CADPS: variants seen among roughly 807,000 people sequenced by gnomAD.
The protein encoded by CADPS is calcium-dependent secretion activator 1.
Under a neutral mutation model 167.3 loss-of-function variants are expected in CADPS, and 57 were observed. The ratio of observed to expected loss-of-function variants is 0.34; its 90% CI spans 0.28 to 0.42. The LOEUF is 0.42. CADPS is among the 20% of genes least tolerant of loss of function. The pLI is 1.00. For synonymous variants in CADPS, 676 were observed against 635.3 expected (o/e 1.06, Z -0.96); for missense variants, 1,414 against 1,738.1 (o/e 0.81, Z 3.32).
chr3:62,505,465 C>A (rs944767977), intron 17 of CADPS, among the ~76,000 whole-genome samples: 4 of 152,148 alleles, frequency 2.6e-5, no homozygotes, highest in Non-Finnish European at 4.4e-5. Context: ...CGTGCTTATC[C>A]ACACTCTTGC....
intron 22 of CADPS, among the ~76,000 whole-genome samples, chr3:62,480,536 C>T (rs1188303418): frequency 6.6e-6 from 1 of 152,148 alleles, no homozygotes; most frequent in Non-Finnish European, 1.5e-5. Flanking sequence ...TATCAGGCAG[C>T]TTTGGAGGAG....
intron 14 of CADPS, among the ~76,000 whole-genome samples, chr3:62,517,377 G>A (rs2069261770): frequency 6.6e-6 from 1 of 152,062 alleles, no homozygotes; most frequent in South Asian, 2.1e-4. Context: ...ATTGCCTTGG[G>A]CAAGTTCCTT....
intron 18 of CADPS, among the ~76,000 whole-genome samples, chr3:62,495,106 A>G (rs897682660): frequency 6.6e-6 from 1 of 152,220 alleles, no homozygotes. Context: ...ATAATCATTT[A>G]GATATTAATA....
At chr3:62,516,859 T>A (rs992084466) in intron 14 of CADPS, among the ~76,000 whole-genome samples, 2 of 152,276 alleles carry the variant, frequency 1.3e-5, no homozygotes, top group African/African-American at 4.8e-5. Flanking sequence ...ACTCTGCAAA[T>A]GTCTGCAGCA....
intron 22 of CADPS, among the ~76,000 whole-genome samples, chr3:62,481,161 A>G (rs2061962923): frequency 6.6e-6 from 1 of 152,240 alleles, no homozygotes; most frequent in South Asian, 2.1e-4. Flanking sequence ...ATATTTTTTT[A>G]CATAACATTT....
chr3:62,819,032 G>A (rs1483377036), intron 1 of CADPS, among the ~76,000 whole-genome samples: 5 of 152,122 alleles, frequency 3.3e-5, no homozygotes, highest in Non-Finnish European at 7.4e-5. Flanking sequence ...GGTGGAGGTG[G>A]GTGGGCAGGG....
intron 13 of CADPS, among the ~76,000 whole-genome samples, chr3:62,521,743 T>C (rs1016092745): frequency 6.6e-6 from 1 of 152,218 alleles, no homozygotes; most frequent in African/African-American, 2.4e-5. Context: ...TTAGCATCCA[T>C]TGCCAATTTC....
At chr3:62,738,996 C>T (rs486854) in intron 3 of CADPS, among the ~76,000 whole-genome samples, 60,680 of 151,964 alleles carry the variant, frequency 0.4, 12,566 homozygotes, top group African/African-American at 0.48. Context: ...GTGGCCATAA[C>T]CTTCCACTCT....
intron 3 of CADPS, among the ~76,000 whole-genome samples, chr3:62,689,213 C>A (rs2078638819): frequency 6.6e-6 from 1 of 151,834 alleles, no homozygotes; most frequent in East Asian, 1.9e-4. Flanking sequence ...TTAATTTTTC[C>A]ATGCTGTACC....
At position 62,465,639 on chromosome 3, in the gene CADPS, C is replaced by A. The variant is rs2150380416; in HGVS notation, c.3553-189G>T. Reference sequence around the variant, plus strand: ...ACATAGAAATATTTGACTTATCCGGCTTTCTCTTCATTATTATGTGATTGC... The same window carrying A: ...ACATAGAAATATTTGACTTATCCGGATTTCTCTTCATTATTATGTGATTGC... On this transcript the variant is annotated intron_variant, in intron 25 of 29. Transcript: ENST00000383710. The surrounding 1 kb of genome is among the most constrained non-coding windows in gnomAD (Gnocchi z 4.1). Among the ~76,000 whole-genome samples, 1 of 152,282 alleles carries A rather than the reference C, an allele frequency of 6.6e-6. No homozygotes were observed. The highest frequency in any genetic ancestry group is 2.1e-4 in the South Asian group (1 of 4,826).
At chr3:62,796,988 AG>A (rs1204140346) in intron 1 of CADPS, among the ~76,000 whole-genome samples, 1 of 152,126 alleles carries the variant, frequency 6.6e-6, no homozygotes, top group African/African-American at 2.4e-5. Flanking sequence ...TAAAACTGTA[AG>A]CATGCTTATA....
At chr3:62,684,839 C>A (rs887172459) in intron 3 of CADPS, among the ~76,000 whole-genome samples, 2 of 151,914 alleles carry the variant, frequency 1.3e-5, no homozygotes, top group African/African-American at 4.8e-5. Context: ...CAATCAGATG[C>A]AAGACGACAT....
rs1400833668 is a variant in CADPS at position 62,399,662 on chromosome 3, G to A, written c.3883-77C>T. 3 of 1,236,792 alleles carry A rather than the reference G, an allele frequency of 2.4e-6. No homozygotes were observed. The South Asian group carries it at 3.9e-5, about 16-fold the overall frequency. The allele number at this position is 1,236,792 out of a possible 1,614,324, so 76.6% of individuals were successfully genotyped here. A position where few individuals can be genotyped will look rare whatever the true frequency, so the allele number is the denominator to read the frequency against. On this transcript the variant is annotated intron_variant, in intron 29 of 29. Coordinates refer to ENST00000383710, the MANE Select transcript of CADPS (RefSeq NM_003716.4). The surrounding 1 kb of genome is among the most constrained non-coding windows in gnomAD (Gnocchi z 5.6). ...GAGGGAGAAGGTAAAAGCAGGTGTG[G>A]GTGGGAGAGCACTGACCTTCAGCTA...
At chr3:62,448,566 A>G (rs1237588783) in intron 26 of CADPS, among the ~76,000 whole-genome samples, 1 of 151,818 alleles carries the variant, frequency 6.6e-6, no homozygotes, top group Non-Finnish European at 1.5e-5. Flanking sequence ...ATTGTGGTCT[A>G]TTATTATTTA....
At chr3:62,491,981 A>C (rs995248749) in intron 20 of CADPS, among the ~76,000 whole-genome samples, 3 of 152,198 alleles carry the variant, frequency 2.0e-5, no homozygotes, top group Non-Finnish European at 4.4e-5. Flanking sequence ...TCTTTTGATA[A>C]AAATTGCAAA....
At chr3:62,500,760 G>T (rs1576894463) in intron 17 of CADPS, among the ~76,000 whole-genome samples, 1 of 152,080 alleles carries the variant, frequency 6.6e-6, no homozygotes, top group Admixed American at 6.6e-5. Context: ...GGCAGCAGTG[G>T]GTGGGAGGAA....
intron 1 of CADPS, among the ~76,000 whole-genome samples, chr3:62,809,116 A>G (rs1381085888): frequency 6.6e-6 from 1 of 152,128 alleles, no homozygotes; most frequent in African/African-American, 2.4e-5. Context: ...TGCCACTTGA[A>G]TCCTTGCCAC....
chr3:62,821,839 C>T (rs2094935746), intron 1 of CADPS, among the ~76,000 whole-genome samples: 1 of 152,154 alleles, frequency 6.6e-6, no homozygotes. Flanking sequence ...CTCAAGGTAT[C>T]ATAAGACCTG....
chr3:62,679,720 A>G (rs1043143238), intron 3 of CADPS, among the ~76,000 whole-genome samples: 4 of 152,044 alleles, frequency 2.6e-5, no homozygotes, highest in African/African-American at 9.7e-5. Context: ...TGACCCTGGA[A>G]AAGCTAGTCA....
Sources: gnomAD v4.1 joint callset for allele counts (sites outside exome capture counted in the v4.1 genomes callset) on GRCh38, gnomAD v4.1.1 for gene constraint, Gnocchi (gnomAD v3.1) non-coding constraint, MANE v1.5 for transcripts, NCBI Gene and HGNC (gene_info 2026-07-23, HGNC 2026-07-21) for gene names.